Variants in PCP4 observed in about 807,000 individuals in gnomAD.
The protein encoded by PCP4 is calmodulin regulator protein PCP4.
A neutral mutation model predicts 10.0 loss-of-function variants in PCP4; 8 were observed. The ratio of observed to expected loss-of-function variants is 0.80; its 90% CI spans 0.47 to 1.45. The LOEUF (loss-of-function observed/expected upper bound fraction) is 1.45. Among genes scored for constraint, PCP4 ranks in the 40% most tolerant of loss-of-function variants. The probability of loss-of-function intolerance (pLI) is 0.00; values close to 1 mark genes in which losing one functional copy is unlikely to be tolerated. For missense variants in PCP4, 54 were observed against 74.4 expected, an observed-to-expected ratio of 0.73 and a Z score of 1.01; for synonymous variants, 21 against 23.0, an observed-to-expected ratio of 0.91 and a Z score of 0.24.
Position 39,885,602 on chromosome 21 carries a change from G to T in PCP4, c.10-12874G>T, listed in dbSNP as rs545844352. ...GGGTTCAGGAGAGAATTCAGCCCAT[G>T]CCCGTGGAGTCACATCCCCCTGCAG... On this transcript the variant is annotated intron_variant, in intron 1 of 2. Transcript: ENST00000328619. Among the ~76,000 whole-genome samples the T allele has an allele frequency of 2.0e-5, 3 of 152,334 alleles. No individual in the cohort carries two copies. In the South Asian group the frequency reaches 6.2e-4, roughly 32 times the overall value.
At chr21:39,897,565 G>A (rs370812568) in intron 1 of PCP4, among the ~76,000 whole-genome samples, 9 of 152,134 alleles carry the variant, frequency 5.9e-5, no homozygotes, top group African/African-American at 1.9e-4. Context: ...TGCATTTCAC[G>A]CGGCTCCCCA....
At chr21:39,885,061 T>C (rs2087393418) in intron 1 of PCP4, among the ~76,000 whole-genome samples, 1 of 152,192 alleles carries the variant, frequency 6.6e-6, no homozygotes, top group East Asian at 1.9e-4. Context: ...ATAGCTGAAG[T>C]ATAGAAAAGT....
intron 2 of PCP4, among the ~76,000 whole-genome samples, chr21:39,915,082 T>A (rs1318596227): frequency 6.6e-6 from 1 of 152,100 alleles, no homozygotes; most frequent in Non-Finnish European, 1.5e-5. Flanking sequence ...TTCAGGCACT[T>A]GAAAAACTAC....
At position 39,881,542 on chromosome 21, in the gene PCP4, C is replaced by T. The variant is rs531409524; in HGVS notation, c.9+14032C>T. 1.9e-4 allele frequency among the ~76,000 whole-genome samples: 29 copies of T among 152,232 alleles called. 1 individual carries two copies. The South Asian group carries it at 5.6e-3, about 29-fold the overall frequency. ...GTCCTGTCCTCGCAGATGCATGAAA[C>T]GTACATCTGCAGTTCTGACATCACA... On this transcript the variant is annotated intron_variant, in intron 1 of 2. Coordinates refer to ENST00000328619, the MANE Select transcript of PCP4 (RefSeq NM_006198.3).
intron 1 of PCP4, among the ~76,000 whole-genome samples, chr21:39,888,818 C>T (rs958242798): frequency 7.2e-5 from 11 of 152,204 alleles, no homozygotes; most frequent in Admixed American, 3.9e-4. Context: ...AGGAGTTGGT[C>T]CCCTGACCTG....
At chr21:39,898,045 CA>C (rs780273912) in intron 1 of PCP4, among the ~76,000 whole-genome samples, 390 of 74,000 alleles carry the variant, frequency 5.3e-3, no homozygotes, top group African/African-American at 0.012. Context: ...GACTCAGTCT[CA>C]AAAAAAAAAA....
intron 2 of PCP4, among the ~76,000 whole-genome samples, chr21:39,903,867 C>CAAAAAAAAAAAAAAA (rs1210365373): frequency 2.0e-4 from 7 of 34,820 alleles, no homozygotes; most frequent in African/African-American, 3.8e-4. Context: ...GACTCCGTCT[C>CAAAAAAAAAAAAAAA]AAAAAAAACA....
rs577114758 is a variant in PCP4 at position 39,868,228 on chromosome 21, G to A, written c.9+718G>A. 1.0e-3 allele frequency among the ~76,000 whole-genome samples: 159 copies of A among 152,234 alleles called. 1 individual carries two copies. Among genetic ancestry groups the A allele is most frequent in the African/African-American group, 3.7e-3 (154 of 41,540 alleles). ...TTTCTCATCTATGAAGCAGATTAGC[G>A]GTGGTACAACACCATTCTCTAATTC... On this transcript the variant is annotated intron_variant, in intron 1 of 2. Coordinates refer to ENST00000328619, the MANE Select transcript of PCP4 (RefSeq NM_006198.3).
chr21:39,912,214 C>T (rs2087543522), intron 2 of PCP4, among the ~76,000 whole-genome samples: 1 of 152,060 alleles, frequency 6.6e-6, no homozygotes, highest in Non-Finnish European at 1.5e-5. Flanking sequence ...TATTTTATCC[C>T]TGCTTAAATT....
chr21:39,880,188 C>CTATCTA lies in PCP4; in HGVS notation c.9+12686_9+12691dup, dbSNP rs1201248826. 2.2e-3 allele frequency among the ~76,000 whole-genome samples: 265 copies of CTATCTA among 122,632 alleles called. 2 individuals carry two copies. The highest frequency in any genetic ancestry group is 7.5e-3 in the South Asian group (28 of 3,718). The allele number at this position is 122,632 out of a possible 152,430, so 80.5% of individuals were successfully genotyped here. On this transcript the variant is annotated intron_variant, in intron 1 of 2. Coordinates refer to ENST00000328619, the MANE Select transcript of PCP4 (RefSeq NM_006198.3). Reference sequence around the variant, plus strand: ...TCTATATCTATATCTATATCTATATCTATCTATATCTATTCCCTGTCCAAG... The same window carrying CTATCTA: ...TCTATATCTATATCTATATCTATATCTATCTATATCTATATCTATTCCCTGTCCAAG...
At chr21:39,879,148 A>G (rs1280852205) in intron 1 of PCP4, among the ~76,000 whole-genome samples, 2 of 151,890 alleles carry the variant, frequency 1.3e-5, no homozygotes, top group East Asian at 3.9e-4. Flanking sequence ...CACCACCATG[A>G]CCAGCTAATT....
chr21:39,900,028 TGTC>T (rs751984850), intron 2 of PCP4, among the ~76,000 whole-genome samples: 6 of 152,130 alleles, frequency 3.9e-5, no homozygotes, highest in Non-Finnish European at 8.8e-5. Context: ...GATCCTCTAT[TGTC>T]GTGATTCTCA....
chr21:39,896,932 C>T (rs912229275), intron 1 of PCP4, among the ~76,000 whole-genome samples: 6 of 152,168 alleles, frequency 3.9e-5, no homozygotes, highest in Middle Eastern at 3.4e-3. Flanking sequence ...TCTCCTTGTT[C>T]GGTGCTCTGC....
rs376674354 is a variant in PCP4, at chr21:39,893,456, C to T, written c.10-5020C>T. Reference sequence around the variant, plus strand: ...GATTCTGAAGCACTCTACTTTTATTCACGAACACTGCCAAGAATGGAAACC... The same window carrying T: ...GATTCTGAAGCACTCTACTTTTATTTACGAACACTGCCAAGAATGGAAACC... On this transcript the variant is annotated intron_variant, in intron 1 of 2. Transcript: ENST00000328619. Among the ~76,000 whole-genome samples the T allele has an allele frequency of 2.4e-4, 37 of 152,312 alleles. No homozygotes were observed. In the Middle Eastern group the frequency reaches 0.014, roughly 56 times the overall value.
chr21:39,872,237 G>A (rs1010006700), intron 1 of PCP4, among the ~76,000 whole-genome samples: 1 of 152,202 alleles, frequency 6.6e-6, no homozygotes, highest in Admixed American at 6.5e-5. Flanking sequence ...GACCTCAGGT[G>A]ATCCGCCCGC....
intron 2 of PCP4, among the ~76,000 whole-genome samples, chr21:39,909,942 C>T (rs919412761): frequency 6.6e-6 from 1 of 152,022 alleles, no homozygotes; most frequent in Non-Finnish European, 1.5e-5. Context: ...ATTACAGGCG[C>T]CCGCCACCAC....
intron 1 of PCP4, among the ~76,000 whole-genome samples, chr21:39,876,685 C>A (rs571314726): frequency 4.6e-5 from 7 of 152,278 alleles, no homozygotes; most frequent in Non-Finnish European, 1.0e-4. Context: ...ATGAATGAAA[C>A]CTAATTTTTA....
intron 1 of PCP4, among the ~76,000 whole-genome samples, chr21:39,881,062 C>T (rs919124900): frequency 1.3e-5 from 2 of 152,102 alleles, no homozygotes; most frequent in African/African-American, 4.8e-5. Context: ...CGGGGAGCAT[C>T]TGATCAAATG....
intron 2 of PCP4, among the ~76,000 whole-genome samples, chr21:39,914,867 A>G (rs747498282): frequency 3.3e-5 from 5 of 152,234 alleles, no homozygotes; most frequent in Non-Finnish European, 5.9e-5. Context: ...TGTGAGTCCT[A>G]GAAGGTGGTG....
Sources: allele counts gnomAD v4.1 joint callset (sites outside exome capture counted in the v4.1 genomes callset), GRCh38; gene constraint gnomAD v4.1.1; transcripts MANE v1.5; gene names NCBI Gene and HGNC (gene_info 2026-07-23, HGNC 2026-07-21).